The following KLRG2 variants were observed in gnomAD, a reference collection of about 807,000 sequenced individuals.
The protein encoded by KLRG2 is killer cell lectin-like receptor subfamily G member 2.
KLRG2 carries 39 observed loss-of-function variants against 35.4 expected under a neutral mutation model. The observed-to-expected ratio is 1.10, with a 90% CI of 0.85 to 1.44. KLRG2 has a LOEUF of 1.44. Among genes scored for constraint, KLRG2 ranks in the 40% most tolerant of loss-of-function variants. The probability of loss-of-function intolerance (pLI) is 0.00; values close to 1 mark genes in which losing one functional copy is unlikely to be tolerated. For synonymous variants in KLRG2, 283 were observed against 265.8 expected, an observed-to-expected ratio of 1.06 and a Z score of -0.63; for missense variants, 632 against 570.9, an observed-to-expected ratio of 1.11 and a Z score of -1.09.
At chr7:139,460,235 G>A (rs553778791) in intron 3 of KLRG2, among the ~76,000 whole-genome samples, 1 of 152,330 alleles carries the variant, frequency 6.6e-6, no homozygotes, top group South Asian at 2.1e-4. Context: ...TGTTTCCTGA[G>A]CCTGCCATGG....
At chr7:139,480,378 C>G in intron 1 of KLRG2, 131 bp from the exon 2 acceptor site, 1 of 574,094 alleles carries the variant, frequency 1.7e-6, no homozygotes, top group Non-Finnish European at 3.2e-6. Context: ...GCCTGGGATG[C>G]CAACATAAAC....
At chr7:139,431,278 A>T in the KLRG2 span, among the ~76,000 whole-genome samples, 1 of 152,208 alleles carries the variant, frequency 6.6e-6, no homozygotes, top group Non-Finnish European at 1.5e-5. Context: ...AATGGCAGAG[A>T]GGGAACTTTC....
chr7:139,455,761 G>C (rs927936729), intron 3 of KLRG2, among the ~76,000 whole-genome samples: 4 of 152,170 alleles, frequency 2.6e-5, no homozygotes, highest in Admixed American at 2.0e-4. Flanking sequence ...GACAAGAGCA[G>C]CACCACCACT....
At chr7:139,429,580 C>G in the KLRG2 span, among the ~76,000 whole-genome samples, 32 of 151,434 alleles carry the variant, frequency 2.1e-4, no homozygotes, top group Non-Finnish European at 3.4e-4. Flanking sequence ...TGACTCTTAA[C>G]GAGCATGCTG....
chr7:139,436,561 T>C, the KLRG2 span, among the ~76,000 whole-genome samples: 38,003 of 152,060 alleles, frequency 0.25, 5,899 homozygotes, highest in African/African-American at 0.43. Context: ...GCCGCCATGA[T>C]AAAGCTGGCC....
At chr7:139,456,533 GTA>G (rs1796479831) in intron 3 of KLRG2, among the ~76,000 whole-genome samples, 1 of 152,078 alleles carries the variant, frequency 6.6e-6, no homozygotes, top group South Asian at 2.1e-4. Context: ...GCCCAATTTA[GTA>G]GAGATGGGGT....
At chr7:139,429,041 GCGT>G in the KLRG2 span, among the ~76,000 whole-genome samples, 1 of 152,162 alleles carries the variant, frequency 6.6e-6, no homozygotes, top group East Asian at 1.9e-4. Flanking sequence ...TTTAGGCCAG[GCGT>G]GGTGGCTTAC....
the KLRG2 span, among the ~76,000 whole-genome samples, chr7:139,437,657 C>T: frequency 6.6e-6 from 1 of 152,122 alleles, no homozygotes; most frequent in Non-Finnish European, 1.5e-5. Context: ...GGGGTTTTGC[C>T]ACATTGGCCA....
At chr7:139,446,818 C>A in the KLRG2 span, among the ~76,000 whole-genome samples, 5 of 152,148 alleles carry the variant, frequency 3.3e-5, no homozygotes, top group African/African-American at 1.2e-4. Flanking sequence ...TCACCCCTGA[C>A]CTGCCTGCCT....
downstream of KLRG2, among the ~76,000 whole-genome samples, chr7:139,449,204 C>G (rs569898855): frequency 6.6e-6 from 1 of 151,918 alleles, no homozygotes; most frequent in African/African-American, 2.4e-5. Context: ...GAGTTCAAGA[C>G]CAGCCTGGCC....
At chr7:139,472,507 G>A (rs1189768534) in intron 3 of KLRG2, among the ~76,000 whole-genome samples, 1 of 151,820 alleles carries the variant, frequency 6.6e-6, no homozygotes, top group Admixed American at 6.6e-5. Flanking sequence ...CACTTTGGGA[G>A]GTCAGGGCAG....
the KLRG2 span, among the ~76,000 whole-genome samples, chr7:139,440,170 C>T: frequency 2.0e-5 from 3 of 152,284 alleles, no homozygotes; most frequent in East Asian, 5.8e-4. Context: ...AGTGCAGTGG[C>T]ACCGTCTCAG....
In KLRG2 at chr7:139,483,069, G is replaced by A. The variant is rs1468817857; in HGVS notation, c.574C>T (p.Arg192Trp). ...WGRRSPLAAA[R>W]TESGCDAEGR... is the part of the protein sequence containing the mutation. ...TCTGCGTCGCAGCCGCTCTCCGTCC[G>A]GGCTGCAGCCAGCGGCGAGCGGCGG... The change falls in exon 1 of 5, where the codon CGG (arginine) becomes TGG (tryptophan). Residue 192 changes from arginine (R) to tryptophan (W), a missense_variant. Physicochemically the swap from Arg to Trp is moderately radical, Grantham distance 101. Coordinates refer to ENST00000340940, the MANE Select transcript of KLRG2 (RefSeq NM_198508.4). 4 of 1,406,044 alleles carry A rather than the reference G, an allele frequency of 2.8e-6. No individual in the cohort carries two copies. Among genetic ancestry groups the A allele is most frequent in the African/African-American group, 3.0e-5 (2 of 66,062 alleles). The allele number at this position is 1,406,044 out of a possible 1,614,324, so 87.1% of individuals were successfully genotyped here. A position where few individuals can be genotyped will look rare whatever the true frequency, so the allele number is the denominator to read the frequency against.
chr7:139,454,346 A>G, intron 3 of KLRG2, 132 bp from the exon 4 acceptor site: 2 of 637,310 alleles, frequency 3.1e-6, no homozygotes, highest in East Asian at 2.9e-5. Flanking sequence ...CAGCACTTGC[A>G]GAACAAAAAA....
At chr7:139,458,115 C>T (rs924580160) in intron 3 of KLRG2, among the ~76,000 whole-genome samples, 8 of 152,144 alleles carry the variant, frequency 5.3e-5, no homozygotes, top group Admixed American at 3.9e-4. Flanking sequence ...TGGCTGCTCA[C>T]AGCTGTGGTC....
At chr7:139,449,889 G>T (rs1796350207), downstream of KLRG2, among the ~76,000 whole-genome samples, 1 of 149,284 alleles carries the variant, frequency 6.7e-6, no homozygotes, top group Non-Finnish European at 1.5e-5. Flanking sequence ...TTTTAGTAGA[G>T]ACAGGGTTTC....
intron 3 of KLRG2, 121 bp from the exon 4 acceptor site, chr7:139,454,335 C>T: frequency 1.5e-6 from 1 of 646,648 alleles, no homozygotes; most frequent in South Asian, 1.7e-5. Context: ...TCTGCTCAAG[C>T]CAGCACTTGC....
the KLRG2 span, among the ~76,000 whole-genome samples, chr7:139,429,034 A>G: frequency 2.6e-5 from 4 of 152,312 alleles, no homozygotes; most frequent in East Asian, 7.7e-4. Flanking sequence ...TAATCACTTT[A>G]GGCCAGGCGT....
intron 3 of KLRG2, among the ~76,000 whole-genome samples, chr7:139,478,537 G>A (rs536355673): frequency 6.6e-6 from 1 of 152,180 alleles, no homozygotes; most frequent in East Asian, 1.9e-4. Context: ...AGGTGTGCTG[G>A]CACATGCCTG....
Sources: allele counts gnomAD v4.1 joint callset (sites outside exome capture counted in the v4.1 genomes callset), GRCh38; gene constraint gnomAD v4.1.1; transcripts MANE v1.5; gene names NCBI Gene and HGNC (gene_info 2026-07-23, HGNC 2026-07-21).